Variants in PRKN observed in about 807,000 individuals in gnomAD.
PRKN encodes the protein parkin RBR E3 ubiquitin protein ligase, also known as E3 ubiquitin-protein ligase parkin.
In PRKN, 56 loss-of-function variants were observed where a neutral mutation model predicts 59.5. That is an observed-to-expected ratio of 0.94 (90% CI 0.76 to 1.18). PRKN has a LOEUF of 1.18. PRKN is among the 50% of genes most tolerant of loss of function. The pLI is 0.00. For missense variants in PRKN, 657 were observed against 596.4 expected, an observed-to-expected ratio of 1.10 and a Z score of -1.06; for synonymous variants, 250 against 222.1, an observed-to-expected ratio of 1.13 and a Z score of -1.12.
At chr6:161,877,045 T>G (rs891483329) in intron 6 of PRKN, among the ~76,000 whole-genome samples, 1 of 152,190 alleles carries the variant, frequency 6.6e-6, no homozygotes, top group African/African-American at 2.4e-5. Context: ...AAAGGATATA[T>G]TGACCATCAC....
chr6:161,914,708 T>C (rs1778490214), intron 6 of PRKN, among the ~76,000 whole-genome samples: 1 of 151,966 alleles, frequency 6.6e-6, no homozygotes, highest in Non-Finnish European at 1.5e-5. Context: ...GCAAACACTG[T>C]CCCTCCTTTC....
intron 6 of PRKN, among the ~76,000 whole-genome samples, chr6:161,854,004 G>A (rs1223309750): frequency 6.6e-6 from 1 of 151,578 alleles, no homozygotes; most frequent in African/African-American, 2.4e-5. Context: ...CCAACACTTC[G>A]GGAGACCAAG....
chr6:162,345,014 G>A (rs373060976), intron 2 of PRKN, among the ~76,000 whole-genome samples: 16 of 152,264 alleles, frequency 1.1e-4, no homozygotes, highest in South Asian at 4.1e-4. Context: ...GGACAAGACC[G>A]CAGCTCCACA....
At position 161,359,090 on chromosome 6, in the gene PRKN, G is replaced by A. The variant is rs960337089; in HGVS notation, c.1285+998C>T. ...ATTACAGGCGTGAGCCACCGCGCCC[G>A]GCCGCCTTCTGCTCTTTATAGGTGC... is the stretch of plus-strand genomic sequence containing the variant. On this transcript the variant is annotated intron_variant, in intron 11 of 11. Coordinates refer to ENST00000366898, the MANE Select transcript of PRKN (RefSeq NM_004562.3). This position sits in a 1 kb window ranked among gnomAD's most constrained non-coding sequence, Gnocchi z 5.4. 1.3e-5 allele frequency among the ~76,000 whole-genome samples: 2 copies of A among 152,020 alleles called. No individual in the cohort carries two copies. The highest frequency in any genetic ancestry group is 1.5e-5 in the Non-Finnish European group (1 of 67,978).
chr6:162,662,329 G>A (rs914612600), intron 1 of PRKN, among the ~76,000 whole-genome samples: 3 of 150,592 alleles, frequency 2.0e-5, no homozygotes, highest in Non-Finnish European at 4.4e-5. Flanking sequence ...TTAGCCCTTT[G>A]TTGGATGCAT....
chr6:161,999,904 G>T (rs1781987457), intron 5 of PRKN, among the ~76,000 whole-genome samples: 1 of 151,982 alleles, frequency 6.6e-6, no homozygotes, highest in African/African-American at 2.4e-5. Context: ...GAAAAATACT[G>T]ATAATTATAT....
rs969986698 is a variant in PRKN, at chr6:161,503,581, G to A, written c.1083+45273C>T. On this transcript the variant is annotated intron_variant, in intron 9 of 11. Coordinates refer to ENST00000366898, the MANE Select transcript of PRKN (RefSeq NM_004562.3). This position sits in a 1 kb window ranked among gnomAD's most constrained non-coding sequence, Gnocchi z 5.1. ...ATTTAACAGAGGTTTATGGAGGTGAGGGACTGGACTGAGGGGGCTATGGGG... is the reference window on the plus strand; with the variant it reads ...ATTTAACAGAGGTTTATGGAGGTGAAGGACTGGACTGAGGGGGCTATGGGG... 6.6e-6 allele frequency among the ~76,000 whole-genome samples: 1 copy of A among 152,182 alleles called. No individual in the cohort carries two copies.
intron 1 of PRKN, among the ~76,000 whole-genome samples, chr6:162,725,107 G>A (rs1425555246): frequency 1.3e-5 from 2 of 152,190 alleles, no homozygotes; most frequent in African/African-American, 4.8e-5. Context: ...TCTTTTGGAT[G>A]TGAGTCAGCT....
At chr6:162,263,492 G>A (rs1267686297) in intron 2 of PRKN, among the ~76,000 whole-genome samples, 1 of 152,112 alleles carries the variant, frequency 6.6e-6, no homozygotes, top group Non-Finnish European at 1.5e-5. Context: ...TTCTCTTTCT[G>A]ACGATTTAAC....
At chr6:162,384,030 G>C (rs1786644436) in intron 2 of PRKN, among the ~76,000 whole-genome samples, 1 of 152,164 alleles carries the variant, frequency 6.6e-6, no homozygotes, top group African/African-American at 2.4e-5. Context: ...TGGCTCAATG[G>C]AATGTTGTAA....
intron 2 of PRKN, among the ~76,000 whole-genome samples, chr6:162,276,529 TA>T (rs1780643743): frequency 6.6e-6 from 1 of 152,328 alleles, no homozygotes; most frequent in South Asian, 2.1e-4. Flanking sequence ...TTAAAATATT[TA>T]ATTCTGTTTT....
At position 161,379,182 on chromosome 6, in the gene PRKN, A is replaced by C. The variant is rs867348318; in HGVS notation, c.1167+7612T>G. Among the ~76,000 whole-genome samples, 1 of 152,110 alleles carries C rather than the reference A, an allele frequency of 6.6e-6. No homozygotes were observed. The highest frequency in any genetic ancestry group is 1.5e-5 in the Non-Finnish European group (1 of 68,014). ...GGCATCTCTTGGTCCTCCCCTGCCC[A>C]ATGTTGATAGCAAATCATTCAGTAG... On this transcript the variant is annotated intron_variant, in intron 10 of 11. Coordinates refer to ENST00000366898, the MANE Select transcript of PRKN (RefSeq NM_004562.3). The surrounding 1 kb of genome is among the most constrained non-coding windows in gnomAD (Gnocchi z 4.9).
At chr6:162,390,170 T>C (rs1787087619) in intron 2 of PRKN, among the ~76,000 whole-genome samples, 1 of 151,806 alleles carries the variant, frequency 6.6e-6, no homozygotes, top group Non-Finnish European at 1.5e-5. Context: ...TGGGAAAGAG[T>C]CCAGTTCTGA....
intron 6 of PRKN, among the ~76,000 whole-genome samples, chr6:161,867,550 T>G (rs1033622147): frequency 3.9e-5 from 6 of 152,044 alleles, no homozygotes; most frequent in African/African-American, 1.4e-4. Flanking sequence ...TATAAAAACA[T>G]GAAAAGATGA....
At chr6:161,610,362 C>G (rs184720132) in intron 7 of PRKN, among the ~76,000 whole-genome samples, 1 of 151,984 alleles carries the variant, frequency 6.6e-6, no homozygotes, top group Non-Finnish European at 1.5e-5. Context: ...AAATACGTAC[C>G]TCTAAAAATT....
At position 162,170,701 on chromosome 6, in the gene PRKN, C is replaced by T. The variant is rs118123440; in HGVS notation, c.534+30430G>A. ...CTGAAGCATTTTTAGATGCTGGTCA[C>T]GATTAATGCTGGAAACAACGTTAGT... On this transcript the variant is annotated intron_variant, in intron 4 of 11. Transcript: ENST00000366898. 2.8e-3 allele frequency among the ~76,000 whole-genome samples: 433 copies of T among 152,208 alleles called. 4 individuals are homozygous for T. In the East Asian group the frequency reaches 0.03, roughly 11 times the overall value.
At chr6:162,163,459 A>G (rs1395062288) in intron 4 of PRKN, among the ~76,000 whole-genome samples, 1 of 149,374 alleles carries the variant, frequency 6.7e-6, no homozygotes, top group Non-Finnish European at 1.5e-5. Flanking sequence ...ATTGGAGGTA[A>G]AAAGAAGAAA....
intron 7 of PRKN, among the ~76,000 whole-genome samples, chr6:161,717,940 T>C (rs1183289458): frequency 3.3e-5 from 5 of 152,142 alleles, no homozygotes; most frequent in Non-Finnish European, 7.4e-5. Flanking sequence ...GTGAAGAGGA[T>C]GCCCAGAGGG....
rs574857381 is a variant in PRKN, at chr6:162,180,652, T to C, written c.534+20479A>G. On this transcript the variant is annotated intron_variant, in intron 4 of 11. Coordinates refer to ENST00000366898, the MANE Select transcript of PRKN (RefSeq NM_004562.3). Reference sequence around the variant, plus strand: ...TTTTCATATTTCTCCCTTCCCCACATTGACTGAATGATATGTTGTCGGTTC... The same window carrying C: ...TTTTCATATTTCTCCCTTCCCCACACTGACTGAATGATATGTTGTCGGTTC... 2.0e-5 allele frequency among the ~76,000 whole-genome samples: 3 copies of C among 152,324 alleles called. No homozygotes were observed. In the South Asian group the frequency reaches 6.2e-4, roughly 32 times the overall value.
Sources: gnomAD v4.1 joint callset for allele counts (sites outside exome capture counted in the v4.1 genomes callset) on GRCh38, gnomAD v4.1.1 for gene constraint, Gnocchi (gnomAD v3.1) non-coding constraint, MANE v1.5 for transcripts, NCBI Gene and HGNC (gene_info 2026-07-23, HGNC 2026-07-21) for gene names.